ROBO1: variants seen among roughly 807,000 people sequenced by gnomAD.
ROBO1 encodes the protein roundabout guidance receptor 1, also known as roundabout homolog 1.
Under a neutral mutation model 195.9 loss-of-function variants are expected in ROBO1, and 149 were observed. The observed-to-expected ratio is 0.76, with a 90% CI of 0.67 to 0.87. The LOEUF is 0.87. ROBO1 is among the 40% of genes least tolerant of loss of function. ROBO1 has a pLI of 0.00. For missense variants in ROBO1, 1,933 were observed against 2,068.3 expected, an observed-to-expected ratio of 0.93 and a Z score of 1.27; for synonymous variants, 816 against 733.2, an observed-to-expected ratio of 1.11 and a Z score of -1.82.
chr3:79,375,314 A>G (rs577810794), intron 2 of ROBO1, among the ~76,000 whole-genome samples: 7 of 152,296 alleles, frequency 4.6e-5, no homozygotes, highest in Non-Finnish European at 1.0e-4. Context: ...TGCTAGAAAA[A>G]CTGAGTCTAC....
chr3:79,165,323 T>G (rs1006652212), intron 2 of ROBO1, among the ~76,000 whole-genome samples: 1 of 152,230 alleles, frequency 6.6e-6, no homozygotes, highest in African/African-American at 2.4e-5. Flanking sequence ...GCATTATAAG[T>G]AATCAGCTGA....
At chr3:79,038,166 C>G (rs2078415267) in intron 3 of ROBO1, among the ~76,000 whole-genome samples, 1 of 152,096 alleles carries the variant, frequency 6.6e-6, no homozygotes, top group South Asian at 2.1e-4. Flanking sequence ...CATGTAAAAC[C>G]AAGTTTAGTA....
At chr3:78,933,050 A>C (rs533021345) in intron 4 of ROBO1, among the ~76,000 whole-genome samples, 23 of 152,240 alleles carry the variant, frequency 1.5e-4, no homozygotes, top group South Asian at 4.1e-4. Flanking sequence ...GAAAAAGAAG[A>C]AGCTAACTAA....
intron 2 of ROBO1, among the ~76,000 whole-genome samples, chr3:79,355,365 AG>A (rs1015684678): frequency 6.6e-5 from 10 of 152,208 alleles, no homozygotes; most frequent in Admixed American, 1.3e-4. Flanking sequence ...TGATCAAATC[AG>A]GGTAACTAAC....
chr3:79,019,142 C>T, intron 3 of ROBO1: 1 of 986,398 alleles, frequency 1.0e-6, no homozygotes, highest in African/African-American at 1.7e-5. Context: ...GCAGCAGGAC[C>T]GCGGACACTC....
intron 2 of ROBO1, among the ~76,000 whole-genome samples, chr3:79,335,013 AG>A (rs1229039647): frequency 6.6e-6 from 1 of 152,100 alleles, no homozygotes; most frequent in Non-Finnish European, 1.5e-5. Flanking sequence ...ACAACTCAGG[AG>A]GCTGAGGCAG....
intron 4 of ROBO1, among the ~76,000 whole-genome samples, chr3:78,876,410 G>A (rs980382904): frequency 7.9e-5 from 12 of 152,066 alleles, no homozygotes; most frequent in African/African-American, 2.9e-4. Flanking sequence ...TGTGCTTATT[G>A]AGATTGTCGT....
chr3:79,382,402 G>A (rs1025781681), intron 2 of ROBO1, among the ~76,000 whole-genome samples: 5 of 152,124 alleles, frequency 3.3e-5, no homozygotes, highest in Non-Finnish European at 7.4e-5. Flanking sequence ...TTTGTGTAGG[G>A]AAGCATTTGG....
At chr3:79,106,353 G>A (rs1020993296) in intron 3 of ROBO1, among the ~76,000 whole-genome samples, 4 of 151,204 alleles carry the variant, frequency 2.6e-5, no homozygotes, top group African/African-American at 4.8e-5. Flanking sequence ...CACATTCTCC[G>A]GGGTTCATTA....
intron 2 of ROBO1, among the ~76,000 whole-genome samples, chr3:79,293,829 T>C (rs576940818): frequency 2.8e-4 from 43 of 151,444 alleles, no homozygotes; most frequent in African/African-American, 7.0e-4. Context: ...GAGGCCGAGG[T>C]GGGCGGATCA....
At chr3:78,756,360 T>C (rs2082931811) in intron 4 of ROBO1, among the ~76,000 whole-genome samples, 1 of 152,034 alleles carries the variant, frequency 6.6e-6, no homozygotes, top group African/African-American at 2.4e-5. Context: ...ATATGATAAA[T>C]CAATATTTAA....
At chr3:79,722,168 T>C (rs1331200415) in intron 1 of ROBO1, among the ~76,000 whole-genome samples, 1 of 140,028 alleles carries the variant, frequency 7.1e-6, no homozygotes, top group Non-Finnish European at 1.6e-5. Context: ...TATTTTACTT[T>C]GGAAAACTAA....
At chr3:79,245,110 T>C (rs1413256812) in intron 2 of ROBO1, among the ~76,000 whole-genome samples, 2 of 152,120 alleles carry the variant, frequency 1.3e-5, no homozygotes, top group African/African-American at 4.8e-5. Context: ...GTTTTATGTG[T>C]ATATATTTTA....
At chr3:79,699,814 C>A in intron 1 of ROBO1, among the ~76,000 whole-genome samples, 1 of 151,456 alleles carries the variant, frequency 6.6e-6, no homozygotes, top group East Asian at 1.9e-4. Flanking sequence ...TTACTGTTTG[C>A]CTTTGGTCCA....
chr3:78,974,521 AAAAG>A (rs2076843923), intron 3 of ROBO1, among the ~76,000 whole-genome samples: 1 of 152,158 alleles, frequency 6.6e-6, no homozygotes, highest in South Asian at 2.1e-4. Flanking sequence ...ATATACGAAA[AAAAG>A]AAAGAGGCAT....
At chr3:79,149,327 T>C (rs1365174714) in intron 2 of ROBO1, among the ~76,000 whole-genome samples, 2 of 151,942 alleles carry the variant, frequency 1.3e-5, no homozygotes, top group African/African-American at 4.8e-5. Flanking sequence ...ATAGCCTTTT[T>C]GATACTTTCT....
intron 2 of ROBO1, among the ~76,000 whole-genome samples, chr3:79,224,061 C>T (rs1307003005): frequency 6.6e-6 from 1 of 151,778 alleles, no homozygotes; most frequent in East Asian, 1.9e-4. Context: ...ATAAGCAAAA[C>T]AAAAGAAAGA....
At chr3:79,274,737 T>C (rs1165451224) in intron 2 of ROBO1, among the ~76,000 whole-genome samples, 1 of 151,672 alleles carries the variant, frequency 6.6e-6, no homozygotes, top group Non-Finnish European at 1.5e-5. Flanking sequence ...GTAAAAACCA[T>C]TAGATCAACT....
chr3:78,717,185 C>T (rs1042560823), intron 7 of ROBO1, 90 bp downstream of exon 7: 41 of 1,356,562 alleles, frequency 3.0e-5, no homozygotes, highest in Middle Eastern at 3.9e-4. Context: ...CTAGAATGGA[C>T]TATTCTAATG....
Sources: gnomAD v4.1 joint callset for allele counts (sites outside exome capture counted in the v4.1 genomes callset) on GRCh38, gnomAD v4.1.1 for gene constraint, MANE v1.5 for transcripts, NCBI Gene and HGNC (gene_info 2026-07-23, HGNC 2026-07-21) for gene names.